BABAM2: variants seen among roughly 807,000 people sequenced by gnomAD.
The protein encoded by BABAM2 is BRISC and BRCA1 A complex member 2.
Under a neutral mutation model 54.7 loss-of-function variants are expected in BABAM2, and 31 were observed. That is an observed-to-expected ratio of 0.57 (90% CI 0.43 to 0.77). The LOEUF is 0.77. BABAM2 is among the 30% of genes least tolerant of loss of function. The probability of loss-of-function intolerance (pLI) is 0.00; values close to 1 mark genes in which losing one functional copy is unlikely to be tolerated. For synonymous variants in BABAM2, 167 were observed against 162.9 expected (o/e 1.03, Z -0.19); for missense variants, 364 against 455.8 (o/e 0.80, Z 1.83).
intron 7 of BABAM2, among the ~76,000 whole-genome samples, chr2:28,200,049 T>C (rs528177467): frequency 1.3e-5 from 2 of 152,348 alleles, no homozygotes; most frequent in African/African-American, 4.8e-5. Context: ...TTTAGGGAAA[T>C]ATAATACACA....
intron 6 of BABAM2, among the ~76,000 whole-genome samples, chr2:28,117,136 C>G (rs1668680944): frequency 6.6e-6 from 1 of 152,122 alleles, no homozygotes; most frequent in Non-Finnish European, 1.5e-5. Context: ...AGAGAACTAG[C>G]CTAGCTATAG....
chr2:28,335,622 C>T (rs1183710957), intron 11 of BABAM2, among the ~76,000 whole-genome samples: 1 of 152,214 alleles, frequency 6.6e-6, no homozygotes, highest in Non-Finnish European at 1.5e-5. Context: ...GGATGTGCTC[C>T]CGCTTTCCAG....
chr2:28,103,645 C>T (rs760341444), intron 6 of BABAM2, among the ~76,000 whole-genome samples: 1 of 152,112 alleles, frequency 6.6e-6, no homozygotes, highest in Admixed American at 6.5e-5. Flanking sequence ...CTGTTTTTAT[C>T]GAGGAGTCAG....
intron 10 of BABAM2, among the ~76,000 whole-genome samples, chr2:28,268,031 A>G (rs1271613256): frequency 6.6e-6 from 1 of 152,254 alleles, no homozygotes; most frequent in Non-Finnish European, 1.5e-5. Context: ...GAAATCTTAG[A>G]ACCCTAATAT....
intron 6 of BABAM2, among the ~76,000 whole-genome samples, chr2:28,056,449 G>T (rs1435348594): frequency 6.6e-6 from 1 of 151,778 alleles, no homozygotes. Context: ...GCTTTCTTTT[G>T]TTGTTTTACA....
At chr2:28,190,823 A>G (rs1676829182) in intron 7 of BABAM2, among the ~76,000 whole-genome samples, 1 of 152,250 alleles carries the variant, frequency 6.6e-6, no homozygotes, top group South Asian at 2.1e-4. Flanking sequence ...TGATTTTGGG[A>G]GAGACACAAA....
At chr2:28,246,044 C>T (rs141632158) in intron 10 of BABAM2, among the ~76,000 whole-genome samples, 10 of 152,218 alleles carry the variant, frequency 6.6e-5, no homozygotes, top group East Asian at 5.8e-4. Flanking sequence ...GATGATCGAG[C>T]GCAGGCCACA....
chr2:28,259,151 G>T (rs36028867), intron 10 of BABAM2, among the ~76,000 whole-genome samples: 1 of 125,842 alleles, frequency 7.9e-6, no homozygotes. Context: ...GTAGTGGTGC[G>T]ATCTGGGCTC....
intron 11 of BABAM2, among the ~76,000 whole-genome samples, chr2:28,320,459 C>A (rs1167492520): frequency 6.6e-6 from 1 of 152,202 alleles, no homozygotes; most frequent in Non-Finnish European, 1.5e-5. Context: ...CAGTGGGAGC[C>A]CAGTGAAGTC....
At chr2:28,267,438 TACACACACACACAC>T (rs35450423) in intron 10 of BABAM2, among the ~76,000 whole-genome samples, 1 of 141,742 alleles carries the variant, frequency 7.1e-6, no homozygotes, top group African/African-American at 2.7e-5. Context: ...CACACACACA[TACACACACACACAC>T]ACACACACAC....
At chr2:28,152,063 T>C (rs1417308424) in intron 7 of BABAM2, among the ~76,000 whole-genome samples, 1 of 152,190 alleles carries the variant, frequency 6.6e-6, no homozygotes, top group African/African-American at 2.4e-5. Context: ...TTAGAATATG[T>C]AAGAATAAAC....
intron 6 of BABAM2, among the ~76,000 whole-genome samples, chr2:28,069,708 TG>T (rs1259939968): frequency 2.0e-5 from 3 of 152,186 alleles, no homozygotes; most frequent in Admixed American, 6.5e-5. Flanking sequence ...TTGCATGCCT[TG>T]GCTTCCTCAT....
intron 7 of BABAM2, among the ~76,000 whole-genome samples, chr2:28,143,123 T>C (rs1671201087): frequency 6.7e-6 from 1 of 149,654 alleles, no homozygotes; most frequent in African/African-American, 2.5e-5. Context: ...AATTGTCCAC[T>C]GACAGATTAT....
At chr2:27,927,838 GT>G (rs376186465) in intron 2 of BABAM2, among the ~76,000 whole-genome samples, 54 of 135,742 alleles carry the variant, frequency 4.0e-4, no homozygotes, top group East Asian at 3.7e-3. Flanking sequence ...TAAAGTTTCT[GT>G]TTTTTTTTTT....
At chr2:28,175,795 C>T (rs975472665) in intron 7 of BABAM2, among the ~76,000 whole-genome samples, 2 of 152,226 alleles carry the variant, frequency 1.3e-5, no homozygotes, top group Non-Finnish European at 2.9e-5. Flanking sequence ...CACTTGGACT[C>T]ACTAATGCCA....
At position 27,910,277 on chromosome 2, in the gene BABAM2, C is replaced by T. The variant is rs536013850; in HGVS notation, c.128+15593C>T. 4.0e-4 allele frequency among the ~76,000 whole-genome samples: 61 copies of T among 152,214 alleles called. 1 individual carries two copies. Among genetic ancestry groups the T allele is most frequent in the African/African-American group, 1.3e-3 (56 of 41,498 alleles). ...GACAGTAATGTCATGGTTCCAGGTT[C>T]AGGGGTGTATCACAGTTGTCTCCTA... On this transcript the variant is annotated intron_variant, in intron 2 of 11. Transcript: ENST00000379624.
chr2:28,296,342 GAC>G (rs1687694561), intron 10 of BABAM2, among the ~76,000 whole-genome samples: 1 of 152,188 alleles, frequency 6.6e-6, no homozygotes, highest in East Asian at 1.9e-4. Context: ...GGCACCAACA[GAC>G]ATGTATTCAG....
At chr2:28,260,416 G>T (rs898796707) in intron 10 of BABAM2, among the ~76,000 whole-genome samples, 2 of 145,846 alleles carry the variant, frequency 1.4e-5, no homozygotes, top group Non-Finnish European at 3.0e-5. Flanking sequence ...ATTCTCCTGC[G>T]TTAGCCTCCT....
chr2:28,264,763 T>G (rs1684835660), intron 10 of BABAM2, among the ~76,000 whole-genome samples: 1 of 152,144 alleles, frequency 6.6e-6, no homozygotes, highest in South Asian at 2.1e-4. Flanking sequence ...AGCCCAAGAT[T>G]GCAGACTCAG....
Sources: gnomAD v4.1 joint callset for allele counts (sites outside exome capture counted in the v4.1 genomes callset) on GRCh38, gnomAD v4.1.1 for gene constraint, MANE v1.5 for transcripts, NCBI Gene and HGNC (gene_info 2026-07-23, HGNC 2026-07-21) for gene names.